Variants in CADM2 observed in about 807,000 individuals in gnomAD.
The protein encoded by CADM2 is cell adhesion molecule 2.
Under a neutral mutation model 49.8 loss-of-function variants are expected in CADM2, and 12 were observed. The ratio of observed to expected loss-of-function variants is 0.24; its 90% confidence interval spans 0.15 to 0.39. The LOEUF is 0.39. Among genes scored for constraint, CADM2 ranks in the 10% least tolerant of loss-of-function variants. The probability of loss-of-function intolerance (pLI) is 1.00; values close to 1 mark genes in which losing one functional copy is unlikely to be tolerated. For missense variants in CADM2, 378 were observed against 492.3 expected (o/e 0.77, Z 2.20); for synonymous variants, 214 against 175.4 (o/e 1.22, Z -1.74).
At chr3:85,641,570 A>G (rs1259255196) in intron 1 of CADM2, among the ~76,000 whole-genome samples, 1 of 152,174 alleles carries the variant, frequency 6.6e-6, no homozygotes, top group African/African-American at 2.4e-5. Context: ...TATATCTAAT[A>G]TCTTAAACAT....
At chr3:85,376,119 G>A (rs1258311574) in intron 1 of CADM2, among the ~76,000 whole-genome samples, 1 of 152,016 alleles carries the variant, frequency 6.6e-6, no homozygotes, top group East Asian at 1.9e-4. Context: ...CAAGTTCCTT[G>A]GACTCTAGAT....
Position 85,673,814 on chromosome 3 carries a change from G to T in CADM2, c.62-52708G>T, listed in dbSNP as rs2065817208. ...CATGTGTAGGATATGTTTAGGGTTT[G>T]GGAGCATGAGAATTTGTGAGATACT... On this transcript the variant is annotated intron_variant, in intron 1 of 9. Coordinates refer to ENST00000383699, the MANE Select transcript of CADM2 (RefSeq NM_001167675.2). Among the ~76,000 whole-genome samples the T allele has an allele frequency of 2.6e-5, 4 of 152,098 alleles. No homozygotes were observed. The South Asian group carries it at 8.3e-4, about 31-fold the overall frequency.
At chr3:85,326,299 T>A (rs984823809) in intron 1 of CADM2, among the ~76,000 whole-genome samples, 40 of 152,080 alleles carry the variant, frequency 2.6e-4, no homozygotes, top group Admixed American at 1.3e-4. Flanking sequence ...GAAAAAAAAA[T>A]TGATGACAAG....
intron 1 of CADM2, among the ~76,000 whole-genome samples, chr3:85,389,846 T>C (rs2034433992): frequency 6.6e-6 from 1 of 152,150 alleles, no homozygotes; most frequent in Non-Finnish European, 1.5e-5. Flanking sequence ...GCAAAGTACG[T>C]TGACAATAAA....
intron 1 of CADM2, among the ~76,000 whole-genome samples, chr3:85,439,049 T>G (rs1388554284): frequency 2.0e-5 from 3 of 151,942 alleles, no homozygotes; most frequent in African/African-American, 2.4e-5. Flanking sequence ...AAGATAGAGC[T>G]CGATAGATAA....
intron 1 of CADM2, among the ~76,000 whole-genome samples, chr3:85,320,620 G>A (rs1328294459): frequency 4.6e-5 from 7 of 151,938 alleles, no homozygotes; most frequent in Admixed American, 4.6e-4. Context: ...AATTCTATAC[G>A]CATTTATATT....
intron 6 of CADM2, among the ~76,000 whole-genome samples, chr3:85,914,727 CAT>C (rs1718055141): frequency 6.6e-6 from 1 of 152,138 alleles, no homozygotes; most frequent in Admixed American, 6.6e-5. Context: ...AAGGAGAAAA[CAT>C]AGCAGATGAA....
intron 6 of CADM2, among the ~76,000 whole-genome samples, chr3:85,923,673 T>G (rs1719454134): frequency 4.6e-5 from 7 of 152,142 alleles, no homozygotes; most frequent in Admixed American, 4.6e-4. Context: ...ACATAAGGAT[T>G]AGGTAACAGT....
intron 1 of CADM2, among the ~76,000 whole-genome samples, chr3:85,291,758 C>A (rs922367491): frequency 2.0e-5 from 3 of 147,004 alleles, no homozygotes; most frequent in South Asian, 4.2e-4. Context: ...TGTCACCACC[C>A]GGCCTGCCCT....
At chr3:85,895,552 C>T (rs2108432514) in intron 5 of CADM2, among the ~76,000 whole-genome samples, 1 of 152,224 alleles carries the variant, frequency 6.6e-6, no homozygotes, top group South Asian at 2.1e-4. Context: ...GTTAAGACTT[C>T]AGGGGACTGT....
At chr3:85,887,776 G>T (rs1364926556) in intron 5 of CADM2, among the ~76,000 whole-genome samples, 1 of 152,048 alleles carries the variant, frequency 6.6e-6, no homozygotes, top group African/African-American at 2.4e-5. Context: ...CTGCCTCTAG[G>T]ATATGTTAGT....
chr3:85,021,117 A>T (rs1341494270), intron 1 of CADM2, among the ~76,000 whole-genome samples: 2 of 43,576 alleles, frequency 4.6e-5, no homozygotes, highest in African/African-American at 1.7e-4. Context: ...ACCCTGTCTC[A>T]AAAAAAAAAA....
chr3:85,449,082 A>AATAATAATAATTAT (rs1553724946), intron 1 of CADM2, among the ~76,000 whole-genome samples: 20 of 112,932 alleles, frequency 1.8e-4, no homozygotes, highest in Non-Finnish European at 3.7e-5. Flanking sequence ...ATAATGATAA[A>AATAATAATAATTAT]AATTATATAA....
intron 1 of CADM2, among the ~76,000 whole-genome samples, chr3:85,083,038 T>C (rs2037229206): frequency 1.3e-5 from 2 of 152,216 alleles, no homozygotes; most frequent in South Asian, 4.1e-4. Context: ...GCCATCTGTG[T>C]GTTTCCATAT....
At chr3:85,625,680 G>T (rs2064105958) in intron 1 of CADM2, among the ~76,000 whole-genome samples, 1 of 151,972 alleles carries the variant, frequency 6.6e-6, no homozygotes, top group Non-Finnish European at 1.5e-5. Flanking sequence ...TTTAGGGATT[G>T]GGGAAGGTGC....
At chr3:85,711,780 T>C (rs1315695282) in intron 1 of CADM2, among the ~76,000 whole-genome samples, 1 of 152,196 alleles carries the variant, frequency 6.6e-6, no homozygotes, top group Non-Finnish European at 1.5e-5. Flanking sequence ...AATGGCCTAC[T>C]GTAATTTTTA....
At chr3:85,011,606 T>C (rs1266790867) in intron 1 of CADM2, among the ~76,000 whole-genome samples, 1 of 152,170 alleles carries the variant, frequency 6.6e-6, no homozygotes, top group Non-Finnish European at 1.5e-5. Context: ...TCAGTAGAAT[T>C]TAGCAATCTT....
intron 1 of CADM2, among the ~76,000 whole-genome samples, chr3:84,992,554 A>G (rs1373646043): frequency 6.6e-6 from 1 of 152,052 alleles, no homozygotes; most frequent in Non-Finnish European, 1.5e-5. Context: ...ACTTGAACCC[A>G]GGAGGCGGAG....
At position 85,774,930 on chromosome 3, in the gene CADM2, G is replaced by T. The variant is rs544482712; in HGVS notation, c.89-27117G>T. Among the ~76,000 whole-genome samples the T allele has an allele frequency of 5.3e-5, 8 of 151,644 alleles. No individual in the cohort carries two copies. In the East Asian group the frequency reaches 1.5e-3, roughly 29 times the overall value. ...TACACATGTATATAGTTAAATCATT[G>T]CTAGTCAGTTAAATCTAGAAAATAC... On this transcript the variant is annotated intron_variant, in intron 2 of 9. Transcript: ENST00000383699.
Sources: gnomAD v4.1 joint callset for allele counts (sites outside exome capture counted in the v4.1 genomes callset) on GRCh38, gnomAD v4.1.1 for gene constraint, MANE v1.5 for transcripts, NCBI Gene and HGNC (gene_info 2026-07-23, HGNC 2026-07-21) for gene names.